The following CDH13 variants were observed in gnomAD, a reference collection of about 807,000 sequenced individuals.
The protein encoded by CDH13 is cadherin 13.
In CDH13, 24 loss-of-function variants were observed where a neutral mutation model predicts 63.8. That is an observed-to-expected ratio of 0.38 (90% CI 0.27 to 0.53). CDH13 has a LOEUF of 0.53. Ranked by LOEUF, CDH13 falls within the 20% of genes least tolerant of loss-of-function variation. The pLI is 0.85. For synonymous variants in CDH13, 503 were observed against 355.3 expected (o/e 1.42, Z -4.67); for missense variants, 1,049 against 903.1 (o/e 1.16, Z -2.07).
chr16:82,749,159 A>AAG (rs775367046), intron 1 of CDH13, among the ~76,000 whole-genome samples: 43 of 151,540 alleles, frequency 2.8e-4, no homozygotes, highest in Non-Finnish European at 5.0e-4. Flanking sequence ...TGCAGAGAGA[A>AAG]AGAGAGAGAG....
chr16:82,770,722 T>TC (rs772591545), intron 1 of CDH13, among the ~76,000 whole-genome samples: 9 of 152,210 alleles, frequency 5.9e-5, no homozygotes, highest in Non-Finnish European at 8.8e-5. Flanking sequence ...TTCCTTTTTT[T>TC]CTGGAGACAG....
At chr16:82,884,472 A>T in intron 2 of CDH13, 2 of 278,486 alleles carry the variant, frequency 7.2e-6, no homozygotes, top group Non-Finnish European at 7.2e-6. Context: ...GTAATTTTCA[A>T]GTCCTTGGAG....
At chr16:82,951,950 G>T (rs561232645) in intron 2 of CDH13, among the ~76,000 whole-genome samples, 1 of 152,130 alleles carries the variant, frequency 6.6e-6, no homozygotes, top group Non-Finnish European at 1.5e-5. Context: ...TTTAGTGCAA[G>T]GTTTACAAGA....
chr16:83,622,684 G>A (rs1031713384), intron 8 of CDH13, among the ~76,000 whole-genome samples: 7 of 152,146 alleles, frequency 4.6e-5, no homozygotes, highest in African/African-American at 9.7e-5. Context: ...GCCCGCTCTC[G>A]CTACATAACA....
At chr16:83,321,563 C>CTG (rs2090225918) in intron 5 of CDH13, among the ~76,000 whole-genome samples, 2 of 127,104 alleles carry the variant, frequency 1.6e-5, no homozygotes, top group Non-Finnish European at 3.1e-5. Context: ...GAGTCTCACT[C>CTG]TGTCGCCTAG....
intron 5 of CDH13, among the ~76,000 whole-genome samples, chr16:83,266,647 C>G (rs367752121): frequency 1.4e-4 from 22 of 152,308 alleles, no homozygotes; most frequent in South Asian, 4.1e-4. Context: ...TTTACTAACT[C>G]TTAAGGCAAA....
At chr16:83,330,219 A>G (rs1334626478) in intron 5 of CDH13, among the ~76,000 whole-genome samples, 1 of 152,200 alleles carries the variant, frequency 6.6e-6, no homozygotes, top group East Asian at 1.9e-4. Context: ...ACACACACAC[A>G]TGCACACACA....
chr16:82,695,590 G>A (rs1239118092), intron 1 of CDH13, among the ~76,000 whole-genome samples: 3 of 152,146 alleles, frequency 2.0e-5, no homozygotes, highest in Non-Finnish European at 1.5e-5. Context: ...GCATTGTTGG[G>A]TTAGGTATTC....
chr16:82,763,253 C>A (rs2034922422), intron 1 of CDH13, among the ~76,000 whole-genome samples: 1 of 152,182 alleles, frequency 6.6e-6, no homozygotes, highest in Non-Finnish European at 1.5e-5. Flanking sequence ...AATCAACGTG[C>A]CTCCTGTCTC....
At chr16:82,898,951 C>G (rs1378091764) in intron 2 of CDH13, among the ~76,000 whole-genome samples, 1 of 152,198 alleles carries the variant, frequency 6.6e-6, no homozygotes, top group Admixed American at 6.5e-5. Flanking sequence ...CTGGAAGGGG[C>G]AAAACCTTGG....
At chr16:83,321,714 G>C (rs1367543786) in intron 5 of CDH13, among the ~76,000 whole-genome samples, 1 of 151,984 alleles carries the variant, frequency 6.6e-6, no homozygotes, top group Non-Finnish European at 1.5e-5. Context: ...ATTTTTAGTA[G>C]AGACAGGGTT....
chr16:82,715,977 G>C (rs2032343655), intron 1 of CDH13, among the ~76,000 whole-genome samples: 1 of 152,268 alleles, frequency 6.6e-6, no homozygotes, highest in Admixed American at 6.5e-5. Context: ...GTCACTACTG[G>C]GTGTTGAAAA....
At chr16:83,206,773 A>G (rs1489807122) in intron 4 of CDH13, among the ~76,000 whole-genome samples, 2 of 152,202 alleles carry the variant, frequency 1.3e-5, no homozygotes, top group Admixed American at 6.5e-5. Context: ...TACTGGAGGA[A>G]TTTGACTTGG....
chr16:83,621,959 C>T (rs1909858810), intron 8 of CDH13, among the ~76,000 whole-genome samples: 1 of 152,120 alleles, frequency 6.6e-6, no homozygotes, highest in South Asian at 2.1e-4. Context: ...TTTCAATAGC[C>T]AGTGAAGTTG....
Position 83,667,434 on chromosome 16 carries a change from CCCACCCATCCAT to C in CDH13, c.1102-3345_1102-3334del, listed in dbSNP as rs746401215. Reference sequence around the variant, plus strand: ...CACCTACCCATCCATCCATCCACCACCCACCCATCCATCCACCCATCCGTCTATCCATCTATC... The same window carrying C: ...CACCTACCCATCCATCCATCCACCACCCACCCATCCGTCTATCCATCTATC... On this transcript the variant is annotated intron_variant, in intron 8 of 13. Transcript: ENST00000567109. Among the ~76,000 whole-genome samples the C allele has an allele frequency of 3.1e-3, 471 of 151,904 alleles. 7 individuals are homozygous for C. Among genetic ancestry groups the C allele is most frequent in the Admixed American group, 1.6e-3 (25 of 15,224 alleles).
In CDH13 at chr16:83,352,470, G is replaced by A. The variant is rs180904918; in HGVS notation, c.781+7464G>A. Among the ~76,000 whole-genome samples the A allele has an allele frequency of 2.3e-3, 344 of 152,024 alleles. 1 individual carries two copies. Among genetic ancestry groups the A allele is most frequent in the Middle Eastern group, 0.014 (4 of 294 alleles). The stretch of plus-strand genomic sequence containing the variant: ...TCCAGCAATCCTGCTACTACTGGGC[G>A]TCTACACAAAGGAAAAGAAGCCACT... On this transcript the variant is annotated intron_variant, in intron 6 of 13. Transcript: ENST00000567109.
At chr16:82,743,131 A>G (rs2034007572) in intron 1 of CDH13, among the ~76,000 whole-genome samples, 1 of 152,222 alleles carries the variant, frequency 6.6e-6, no homozygotes, top group South Asian at 2.1e-4. Flanking sequence ...TTTGGAAATG[A>G]TTTTTAAAAA....
intron 1 of CDH13, among the ~76,000 whole-genome samples, chr16:82,697,036 AG>A (rs2030383791): frequency 6.6e-6 from 1 of 152,216 alleles, no homozygotes; most frequent in South Asian, 2.1e-4. Context: ...GAGAAAACCA[AG>A]GAAGGAACCA....
At chr16:83,000,506 C>T (rs1375138815) in intron 2 of CDH13, among the ~76,000 whole-genome samples, 4 of 150,386 alleles carry the variant, frequency 2.7e-5, no homozygotes, top group Non-Finnish European at 5.9e-5. Context: ...CCTTGGGCTC[C>T]CAAAGTGCTA....
Sources: allele counts gnomAD v4.1 joint callset (sites outside exome capture counted in the v4.1 genomes callset), GRCh38; gene constraint gnomAD v4.1.1; transcripts MANE v1.5; gene names NCBI Gene and HGNC (gene_info 2026-07-23, HGNC 2026-07-21).